WDR17: variants seen among roughly 807,000 people sequenced by gnomAD.
WDR17 encodes WD repeat domain 17, also known as WD repeat-containing protein 17.
A neutral mutation model predicts 161.7 loss-of-function variants in WDR17; 143 were observed. The observed-to-expected ratio is 0.88, with a 90% CI of 0.77 to 1.02. The LOEUF (loss-of-function observed/expected upper bound fraction) is 1.02. Among genes scored for constraint, WDR17 ranks in the 50% least tolerant of loss-of-function variants. The pLI is 0.00. For synonymous variants in WDR17, 517 were observed against 515.6 expected, an observed-to-expected ratio of 1.00 and a Z score of -0.04; for missense variants, 1,469 against 1,520.9, an observed-to-expected ratio of 0.97 and a Z score of 0.57.
At chr4:176,119,002 C>T (rs567387467) in intron 3 of WDR17, among the ~76,000 whole-genome samples, 4 of 151,840 alleles carry the variant, frequency 2.6e-5, no homozygotes, top group African/African-American at 9.6e-5. Flanking sequence ...TAAATAAATT[C>T]CTTGGCTCAA....
chr4:176,160,859 T>C, intron 19 of WDR17, 52 bp from the exon 20 acceptor site: 1 of 1,407,722 alleles, frequency 7.1e-7, no homozygotes, highest in Non-Finnish European at 9.7e-7. Flanking sequence ...CTGAAATGTG[T>C]CAATTATCAA....
At chr4:176,142,093 T>G in intron 11 of WDR17, 24 bp downstream of exon 11, 1 of 1,583,992 alleles carries the variant, frequency 6.3e-7, no homozygotes, top group Non-Finnish European at 8.6e-7. Context: ...TTTCCTGAAA[T>G]AAATAATAAC....
rs1579287577 is a variant in WDR17, at chr4:176,181,076, T to C, written c.*1497T>C. 6.6e-6 allele frequency: 1 copy of C among 152,150 alleles called. No homozygotes were observed. The highest frequency in any genetic ancestry group is 2.4e-5 in the African/African-American group (1 of 41,450). 9.4% of individuals were successfully genotyped at this position (152,150 alleles called of 1,614,324 possible). On this transcript the variant is annotated 3_prime_UTR_variant, in exon 29 of 29. Coordinates refer to ENST00000508596, the MANE Select transcript of WDR17 (RefSeq NM_181265.4). ...CATTTAAAATATTTTTAAAACCTTC[T>C]TAACAAAACTTCTTAAAACTGGAAA...
chr4:176,075,909 A>T (rs1733905112), intron 1 of WDR17, among the ~76,000 whole-genome samples: 1 of 152,020 alleles, frequency 6.6e-6, no homozygotes, highest in South Asian at 2.1e-4. Flanking sequence ...CAGGAGTTTG[A>T]GGCTTGAATG....
At chr4:176,123,099 T>C (rs1160051454) in intron 4 of WDR17, among the ~76,000 whole-genome samples, 1 of 152,240 alleles carries the variant, frequency 6.6e-6, no homozygotes, top group African/African-American at 2.4e-5. Flanking sequence ...CGGAGAACCT[T>C]TTTAAAAATC....
intron 1 of WDR17, among the ~76,000 whole-genome samples, chr4:176,095,208 T>C (rs1254455334): frequency 6.6e-6 from 1 of 152,026 alleles, no homozygotes; most frequent in East Asian, 1.9e-4. Context: ...ATCCAGAGGA[T>C]AGGATAAGGC....
At chr4:176,169,700 G>A (rs1380866230) in intron 23 of WDR17, among the ~76,000 whole-genome samples, 2 of 152,126 alleles carry the variant, frequency 1.3e-5, no homozygotes, top group Non-Finnish European at 2.9e-5. Flanking sequence ...GATATTTTCT[G>A]AGTATTGTAT....
At chr4:176,100,821 G>C (rs980448148) in intron 1 of WDR17, among the ~76,000 whole-genome samples, 1 of 151,966 alleles carries the variant, frequency 6.6e-6, no homozygotes, top group African/African-American at 2.4e-5. Context: ...AATTTTTCCA[G>C]CACTATTTAT....
chr4:176,131,820 T>C, intron 7 of WDR17, 82 bp downstream of exon 7: 1 of 1,090,674 alleles, frequency 9.2e-7, no homozygotes, highest in Admixed American at 2.9e-5. Flanking sequence ...GTCTGAATAT[T>C]ATTTGAAATT....
intron 1 of WDR17, among the ~76,000 whole-genome samples, chr4:176,094,846 T>C (rs1004510943): frequency 2.0e-5 from 3 of 152,168 alleles, no homozygotes; most frequent in East Asian, 1.9e-4. Flanking sequence ...ATGATAGTCA[T>C]TGAAATGGAG....
intron 11 of WDR17, among the ~76,000 whole-genome samples, chr4:176,144,413 C>T (rs983413378): frequency 6.6e-6 from 1 of 152,108 alleles, no homozygotes; most frequent in African/African-American, 2.4e-5. Context: ...CAGTTGCTGA[C>T]CCTCACTGTG....
intron 18 of WDR17, 90 bp downstream of exon 18, chr4:176,156,233 T>TAA: frequency 8.2e-7 from 1 of 1,225,088 alleles, no homozygotes; most frequent in Non-Finnish European, 1.1e-6. Context: ...GCTCTTGAAA[T>TAA]TTCTTATTCT....
intron 11 of WDR17, among the ~76,000 whole-genome samples, chr4:176,142,989 C>T (rs973322095): frequency 4.6e-5 from 7 of 152,198 alleles, no homozygotes; most frequent in African/African-American, 1.7e-4. Context: ...AAGCGATTCT[C>T]CAGCCTCAGC....
intron 18 of WDR17, 58 bp downstream of exon 18, chr4:176,156,201 G>A: frequency 3.3e-6 from 5 of 1,537,996 alleles, no homozygotes; most frequent in Non-Finnish European, 3.6e-6. Context: ...TAGAATAGAA[G>A]CAGTATATAA....
At position 176,110,417 on chromosome 4, in the gene WDR17, C is replaced by T. The variant is rs534565982; in HGVS notation, c.-6-1158C>T. ...CTGGGATTACAGGCGTGAGCCACCGCGCCCAGCCTATCTTTATTCCTAGAC... is the reference window on the plus strand; with the variant it reads ...CTGGGATTACAGGCGTGAGCCACCGTGCCCAGCCTATCTTTATTCCTAGAC... On this transcript the variant is annotated intron_variant, in intron 1 of 28. Transcript: ENST00000508596. 1.4e-4 allele frequency among the ~76,000 whole-genome samples: 21 copies of T among 152,280 alleles called. No individual in the cohort carries two copies. In the South Asian group the frequency reaches 2.3e-3, roughly 17 times the overall value.
intron 1 of WDR17, among the ~76,000 whole-genome samples, chr4:176,072,806 C>G (rs1733411901): frequency 6.6e-6 from 1 of 152,102 alleles, no homozygotes; most frequent in Non-Finnish European, 1.5e-5. Flanking sequence ...AATACATTTC[C>G]ATTACAGAAA....
Position 176,168,863 on chromosome 4 carries a change from T to C in WDR17, c.3102+80T>C, listed in dbSNP as rs916263243. 4 of 1,489,504 alleles carry C rather than the reference T, an allele frequency of 2.7e-6. No homozygotes were observed. The African/African-American group carries it at 4.2e-5, about 16-fold the overall frequency. The allele number at this position is 1,489,504 out of a possible 1,614,324, so 92.3% of individuals were successfully genotyped here. The stretch of plus-strand genomic sequence containing the variant: ...AATTGTAGGTTCAAGCAAATAGAGA[T>C]GCATGCAGAGAAACAAATGTGTGGT... On this transcript the variant is annotated intron_variant, in intron 23 of 28. Coordinates refer to ENST00000508596, the MANE Select transcript of WDR17 (RefSeq NM_181265.4).
chr4:176,174,565 G>T, intron 25 of WDR17, 52 bp from the exon 26 acceptor site: 1 of 1,340,302 alleles, frequency 7.5e-7, no homozygotes, highest in Non-Finnish European at 1.1e-6. Flanking sequence ...TCAGAGTAAT[G>T]TTCTATGCCT....
chr4:176,122,982 T>C (rs1218671792), intron 4 of WDR17, among the ~76,000 whole-genome samples: 1 of 152,192 alleles, frequency 6.6e-6, no homozygotes, highest in East Asian at 1.9e-4. Flanking sequence ...CCTGTATTAT[T>C]TACTGGATTT....
Sources: gnomAD v4.1 joint callset for allele counts (sites outside exome capture counted in the v4.1 genomes callset) on GRCh38, gnomAD v4.1.1 for gene constraint, MANE v1.5 for transcripts, NCBI Gene and HGNC (gene_info 2026-07-23, HGNC 2026-07-21) for gene names.